The following MAGI2 variants were observed in gnomAD, a reference collection of about 807,000 sequenced individuals.
MAGI2 encodes membrane-associated guanylate kinase, WW and PDZ domain-containing protein 2.
Under a neutral mutation model 133.3 loss-of-function variants are expected in MAGI2, and 35 were observed. That is an observed-to-expected ratio of 0.26 (90% CI 0.20 to 0.35). The LOEUF is 0.35. Ranked by LOEUF, MAGI2 falls within the 10% of genes least tolerant of loss-of-function variation. MAGI2 has a pLI of 1.00. For synonymous variants in MAGI2, 729 were observed against 710.6 expected (o/e 1.03, Z -0.41); for missense variants, 1,636 against 1,863.4 (o/e 0.88, Z 2.25).
chr7:78,209,362 G>T (rs571872198), intron 10 of MAGI2, among the ~76,000 whole-genome samples: 1 of 148,660 alleles, frequency 6.7e-6, no homozygotes, highest in African/African-American at 2.5e-5. Flanking sequence ...TACGGGTTCA[G>T]GCCATTCTCC....
intron 20 of MAGI2, among the ~76,000 whole-genome samples, chr7:78,094,796 C>T (rs1817552263): frequency 1.3e-5 from 2 of 152,164 alleles, no homozygotes; most frequent in African/African-American, 4.8e-5. Context: ...ATTATTTTTT[C>T]AACATTTTAA....
chr7:78,673,192 C>T (rs1286699156), intron 2 of MAGI2, among the ~76,000 whole-genome samples: 1 of 151,980 alleles, frequency 6.6e-6, no homozygotes, highest in Non-Finnish European at 1.5e-5. Context: ...TCGTTAATGA[C>T]ATTTATAAAT....
In MAGI2 at chr7:78,775,320, T is replaced by TAA. The variant is rs3086258; in HGVS notation, c.419-148083_419-148082dup. ...AGAGCGAGACTCTGTCGTCTCAAATTAAAAAAAAAAAAAAAAAAAAAAAAA... is the reference window on the plus strand; with the variant it reads ...AGAGCGAGACTCTGTCGTCTCAAATTAAAAAAAAAAAAAAAAAAAAAAAAAAA... On this transcript the variant is annotated intron_variant, in intron 2 of 21. Transcript: ENST00000354212. 1.1e-3 allele frequency among the ~76,000 whole-genome samples: 62 copies of TAA among 57,374 alleles called. 7 individuals carry two copies. Among genetic ancestry groups the TAA allele is most frequent in the African/African-American group, 3.5e-3 (51 of 14,368 alleles). 37.6% of individuals were successfully genotyped at this position (57,374 alleles called of 152,430 possible).
intron 1 of MAGI2, among the ~76,000 whole-genome samples, chr7:79,202,620 A>G (rs1206002203): frequency 6.6e-6 from 1 of 151,924 alleles, no homozygotes; most frequent in Non-Finnish European, 1.5e-5. Flanking sequence ...TAAAAAACTC[A>G]TGGGCAAGAT....
At chr7:78,738,932 A>T (rs547530559) in intron 2 of MAGI2, among the ~76,000 whole-genome samples, 12 of 152,344 alleles carry the variant, frequency 7.9e-5, no homozygotes, top group African/African-American at 2.4e-4. Flanking sequence ...TACTTACTGC[A>T]TGTGCTTACA....
intron 1 of MAGI2, among the ~76,000 whole-genome samples, chr7:79,178,955 C>T (rs934260814): frequency 6.6e-6 from 1 of 151,682 alleles, no homozygotes; most frequent in African/African-American, 2.4e-5. Context: ...ATAAGTTTTG[C>T]AAAAATTGAA....
chr7:78,039,385 A>G lies in MAGI2; in HGVS notation c.3707-19409T>C, dbSNP rs1460060363. Among the ~76,000 whole-genome samples, 10 of 152,230 alleles carry G rather than the reference A, an allele frequency of 6.6e-5. No homozygotes were observed. In the East Asian group the frequency reaches 1.7e-3, roughly 26 times the overall value. On this transcript the variant is annotated intron_variant, in intron 21 of 21. Coordinates refer to ENST00000354212, the MANE Select transcript of MAGI2 (RefSeq NM_012301.4). ...AATACCAGATTCCTGCCTTCAAGAG[A>G]GAGTCTGTGACTTTGGTTTATTCAT... is the stretch of plus-strand genomic sequence containing the variant.
At chr7:79,175,374 A>G (rs1826004122) in intron 1 of MAGI2, among the ~76,000 whole-genome samples, 1 of 151,878 alleles carries the variant, frequency 6.6e-6, no homozygotes, top group Non-Finnish European at 1.5e-5. Flanking sequence ...TTTATTTTTA[A>G]ACAAAACAAC....
chr7:78,850,358 C>T (rs144009274), intron 2 of MAGI2, among the ~76,000 whole-genome samples: 51 of 152,044 alleles, frequency 3.4e-4, no homozygotes, highest in Middle Eastern at 3.4e-3. Context: ...AGTATAACAT[C>T]CTGATTACAT....
intron 3 of MAGI2, among the ~76,000 whole-genome samples, chr7:78,593,945 T>C (rs1804317357): frequency 6.6e-6 from 1 of 152,198 alleles, no homozygotes; most frequent in African/African-American, 2.4e-5. Flanking sequence ...TTGTTAAAGA[T>C]ACATATTCTC....
intron 2 of MAGI2, among the ~76,000 whole-genome samples, chr7:78,709,473 C>A: frequency 6.6e-6 from 1 of 152,206 alleles, no homozygotes; most frequent in Non-Finnish European, 1.5e-5. Context: ...TTAGACATCT[C>A]TGGCCTAGGT....
At chr7:78,037,240 G>T (rs1375248812) in intron 21 of MAGI2, among the ~76,000 whole-genome samples, 2 of 152,124 alleles carry the variant, frequency 1.3e-5, no homozygotes, top group African/African-American at 4.8e-5. Flanking sequence ...GGGTGGAGTG[G>T]TGGAGGGCCT....
chr7:79,241,218 G>A (rs1374231785), intron 1 of MAGI2, among the ~76,000 whole-genome samples: 1 of 152,116 alleles, frequency 6.6e-6, no homozygotes, highest in Non-Finnish European at 1.5e-5. Context: ...TAAGATCATT[G>A]CTGTTCAAAA....
rs189768569 is a variant in MAGI2 at position 78,856,533 on chromosome 7, G to C, written c.418+150557C>G. On this transcript the variant is annotated intron_variant, in intron 2 of 21. Coordinates refer to ENST00000354212, the MANE Select transcript of MAGI2 (RefSeq NM_012301.4). ...AATCCTTTCCCCATTGCTTGTTTTT[G>C]TCAGGTTTGTCAAATATCAGATGGT... Among the ~76,000 whole-genome samples, 205 of 152,162 alleles carry C rather than the reference G, an allele frequency of 1.3e-3. 1 individual carries two copies. The highest frequency in any genetic ancestry group is 4.5e-3 in the African/African-American group (188 of 41,522).
At chr7:78,427,012 C>T (rs573690542) in intron 6 of MAGI2, among the ~76,000 whole-genome samples, 1 of 152,226 alleles carries the variant, frequency 6.6e-6, no homozygotes, top group African/African-American at 2.4e-5. Flanking sequence ...TTTCAATGCT[C>T]TAACATTTTA....
At chr7:79,045,381 A>G (rs1298697963) in intron 1 of MAGI2, among the ~76,000 whole-genome samples, 1 of 152,240 alleles carries the variant, frequency 6.6e-6, no homozygotes, top group African/African-American at 2.4e-5. Context: ...ATAGCTCAAT[A>G]TAGTTAATTT....
At chr7:78,713,372 A>G (rs1819391824) in intron 2 of MAGI2, among the ~76,000 whole-genome samples, 1 of 152,278 alleles carries the variant, frequency 6.6e-6, no homozygotes, top group South Asian at 2.1e-4. Flanking sequence ...TAGTTTTGGC[A>G]TATTTGATAA....
chr7:79,280,485 G>A (rs968773534), intron 1 of MAGI2, among the ~76,000 whole-genome samples: 10 of 152,044 alleles, frequency 6.6e-5, no homozygotes, highest in African/African-American at 1.2e-4. Context: ...GGAAGTTTTC[G>A]GAAGATTTTC....
chr7:79,091,611 T>A (rs1817057757), intron 1 of MAGI2, among the ~76,000 whole-genome samples: 1 of 151,942 alleles, frequency 6.6e-6, no homozygotes, highest in Non-Finnish European at 1.5e-5. Flanking sequence ...CATCTTTCTT[T>A]AAAAAAAGTC....
Sources: allele counts gnomAD v4.1 joint callset (sites outside exome capture counted in the v4.1 genomes callset), GRCh38; gene constraint gnomAD v4.1.1; transcripts MANE v1.5; gene names NCBI Gene and HGNC (gene_info 2026-07-23, HGNC 2026-07-21).